SDK1: variants seen among roughly 807,000 people sequenced by gnomAD.
SDK1 encodes the protein sidekick cell adhesion molecule 1.
SDK1 carries 157 observed loss-of-function variants against 245.5 expected under a neutral mutation model. That is an observed-to-expected ratio of 0.64 (90% CI 0.56 to 0.73). The LOEUF (loss-of-function observed/expected upper bound fraction) is 0.73, where lower values mean the gene tolerates loss of function less well. Among genes scored for constraint, SDK1 ranks in the 30% least tolerant of loss-of-function variants. The probability of loss-of-function intolerance (pLI) is 0.00; values close to 1 mark genes in which losing one functional copy is unlikely to be tolerated. For missense variants in SDK1, 3,583 were observed against 3,002.3 expected, an observed-to-expected ratio of 1.19 and a Z score of -4.52; for synonymous variants, 1,647 against 1,278.5, an observed-to-expected ratio of 1.29 and a Z score of -6.15.
intron 1 of SDK1, among the ~76,000 whole-genome samples, chr7:3,391,204 T>G (rs1248976538): frequency 7.3e-6 from 1 of 137,874 alleles, no homozygotes; most frequent in Non-Finnish European, 1.5e-5. Context: ...CTGCAATTTG[T>G]TTGTTTTCTT....
intron 1 of SDK1, among the ~76,000 whole-genome samples, chr7:3,610,866 A>G (rs926446045): frequency 6.6e-6 from 1 of 152,254 alleles, no homozygotes; most frequent in African/African-American, 2.4e-5. Flanking sequence ...CTGTTTTCAC[A>G]TGGACTGACT....
chr7:4,039,454 A>C (rs1477040632), intron 17 of SDK1, among the ~76,000 whole-genome samples: 1 of 152,190 alleles, frequency 6.6e-6, no homozygotes, highest in African/African-American at 2.4e-5. Context: ...GGCTTCAAAA[A>C]TTAACTTTTC....
intron 1 of SDK1, among the ~76,000 whole-genome samples, chr7:3,436,715 A>G (rs1210803705): frequency 6.6e-6 from 1 of 152,188 alleles, no homozygotes; most frequent in Non-Finnish European, 1.5e-5. Flanking sequence ...AAAAGAAGTA[A>G]TTGCCACTAA....
At chr7:3,875,604 A>T (rs73312066) in intron 5 of SDK1, among the ~76,000 whole-genome samples, 63 of 152,212 alleles carry the variant, frequency 4.1e-4, no homozygotes, top group African/African-American at 1.4e-3. Context: ...CATCTCTCTC[A>T]GCTCTATGGG....
chr7:3,437,349 C>T (rs887233701), intron 1 of SDK1, among the ~76,000 whole-genome samples: 10 of 151,930 alleles, frequency 6.6e-5, no homozygotes, highest in African/African-American at 2.4e-4. Flanking sequence ...GGACAAAATG[C>T]GAGTTTCTAT....
chr7:3,629,894 T>C (rs1409288313), intron 2 of SDK1, among the ~76,000 whole-genome samples: 2 of 152,058 alleles, frequency 1.3e-5, no homozygotes, highest in African/African-American at 4.8e-5. Context: ...AGAAAGATAA[T>C]GAAACAGTTA....
intron 5 of SDK1, among the ~76,000 whole-genome samples, chr7:3,898,243 G>C (rs897165974): frequency 6.6e-6 from 1 of 152,134 alleles, no homozygotes; most frequent in Non-Finnish European, 1.5e-5. Flanking sequence ...TTGTAGGGCC[G>C]ACAGTTGACC....
chr7:4,194,679 C>G lies in SDK1; in HGVS notation c.5099-11200C>G, dbSNP rs185447486. The stretch of plus-strand genomic sequence containing the variant: ...GCTGGGAGGCTAGGCCAGTCTCACT[C>G]ATTTCACGTTTTTTCTGCCTGCTTT... On this transcript the variant is annotated intron_variant, in intron 35 of 44. Coordinates refer to ENST00000404826, the MANE Select transcript of SDK1 (RefSeq NM_152744.4). 1.5e-3 allele frequency among the ~76,000 whole-genome samples: 230 copies of G among 152,284 alleles called. 1 individual carries two copies. The highest frequency in any genetic ancestry group is 4.8e-3 in the African/African-American group (200 of 41,566).
At chr7:3,928,823 A>C (rs1779869864) in intron 5 of SDK1, among the ~76,000 whole-genome samples, 1 of 152,242 alleles carries the variant, frequency 6.6e-6, no homozygotes, top group South Asian at 2.1e-4. Context: ...GAGGAAACTA[A>C]GTCCCAGAGG....
intron 5 of SDK1, among the ~76,000 whole-genome samples, chr7:3,827,006 T>A (rs1295621596): frequency 6.6e-6 from 1 of 152,172 alleles, no homozygotes; most frequent in Non-Finnish European, 1.5e-5. Flanking sequence ...TGCCCACTCA[T>A]GCCTCCTTCA....
intron 4 of SDK1, among the ~76,000 whole-genome samples, chr7:3,651,083 C>T (rs374154490): frequency 6.6e-6 from 1 of 151,036 alleles, no homozygotes; most frequent in South Asian, 2.1e-4. Context: ...CACACATGCC[C>T]AGGAGTGGAA....
chr7:4,158,401 G>A (rs758122273), intron 30 of SDK1, 47 bp from the exon 31 acceptor site: 2 of 1,483,778 alleles, frequency 1.3e-6, no homozygotes, highest in Non-Finnish European at 9.4e-7. Context: ...CTGAGGGCAG[G>A]ACAGGGTGGC....
intron 41 of SDK1, among the ~76,000 whole-genome samples, chr7:4,236,296 G>A (rs574837241): frequency 5.3e-4 from 80 of 152,276 alleles, no homozygotes; most frequent in African/African-American, 1.6e-3. Flanking sequence ...ATGGGACGCC[G>A]GGACCACCCA....
In SDK1 at chr7:3,301,277, G is replaced by GAGC. The variant is rs1779241683; in HGVS notation, c.-310_-309insAGC. On this transcript the variant is annotated 5_prime_UTR_variant, in exon 1 of 45. Coordinates refer to ENST00000404826, the MANE Select transcript of SDK1 (RefSeq NM_152744.4). Reference sequence around the variant, plus strand: ...GCACTTTCTTCTCAGCGCCGGGCGGGGGCGGCGGCGGCGGCGGCTCCTCCG... The same window carrying GAGC: ...GCACTTTCTTCTCAGCGCCGGGCGGGAGCGGCGGCGGCGGCGGCGGCTCCTCCG... Among the ~76,000 whole-genome samples the GAGC allele has an allele frequency of 6.9e-6, 1 of 145,758 alleles. No homozygotes were observed. Among genetic ancestry groups the GAGC allele is most frequent in the South Asian group, 2.1e-4 (1 of 4,774 alleles).
intron 5 of SDK1, among the ~76,000 whole-genome samples, chr7:3,841,437 C>G (rs1056572700): frequency 6.6e-6 from 1 of 152,214 alleles, no homozygotes; most frequent in African/African-American, 2.4e-5. Context: ...CAGCACAGAA[C>G]TGCGTATTAT....
chr7:3,622,923 C>T (rs114638488), intron 2 of SDK1, among the ~76,000 whole-genome samples: 2 of 151,820 alleles, frequency 1.3e-5, no homozygotes, highest in Non-Finnish European at 2.9e-5. Flanking sequence ...TGATATAAAA[C>T]CTGTCTAAAA....
chr7:3,543,460 G>C (rs528754182), intron 1 of SDK1, among the ~76,000 whole-genome samples: 2 of 152,360 alleles, frequency 1.3e-5, no homozygotes, highest in South Asian at 2.1e-4. Flanking sequence ...ATGGGTGCCA[G>C]GTGAGTGGGA....
chr7:4,044,341 G>A (rs56958588), intron 17 of SDK1, among the ~76,000 whole-genome samples: 36,813 of 152,184 alleles, frequency 0.24, 6,099 homozygotes, highest in African/African-American at 0.48. Flanking sequence ...ATTAGGACCT[G>A]GATCATACTC....
intron 1 of SDK1, among the ~76,000 whole-genome samples, chr7:3,574,194 G>A (rs1466361797): frequency 2.0e-5 from 3 of 150,878 alleles, no homozygotes; most frequent in African/African-American, 7.3e-5. Flanking sequence ...TCGGCTCACT[G>A]CAACCTCCAC....
Sources: gnomAD v4.1 joint callset for allele counts (sites outside exome capture counted in the v4.1 genomes callset) on GRCh38, gnomAD v4.1.1 for gene constraint, MANE v1.5 for transcripts, NCBI Gene and HGNC (gene_info 2026-07-23, HGNC 2026-07-21) for gene names.